KRT35: variants seen among roughly 807,000 people sequenced by gnomAD.
KRT35 encodes keratin, type I cuticular Ha5.
A neutral mutation model predicts 42.2 loss-of-function variants in KRT35; 33 were observed. That is an observed-to-expected ratio of 0.78 (90% CI 0.59 to 1.05). The LOEUF (loss-of-function observed/expected upper bound fraction) is 1.05. Among genes scored for constraint, KRT35 ranks in the 50% least tolerant of loss-of-function variants. KRT35 has a pLI of 0.00. For synonymous variants in KRT35, 218 were observed against 238.2 expected, an observed-to-expected ratio of 0.92 and a Z score of 0.78; for missense variants, 585 against 589.2, an observed-to-expected ratio of 0.99 and a Z score of 0.07.
intron 1 of KRT35, 25 bp from the exon 2 acceptor site, chr17:41,479,806 A>ATCCC: frequency 6.3e-7 from 1 of 1,588,260 alleles, no homozygotes; most frequent in Non-Finnish European, 8.6e-7. Context: ...AAGTTATTTC[A>ATCCC]TTGCAAGAAA....
At chr17:41,480,180 G>A (rs8081304) in intron 1 of KRT35, among the ~76,000 whole-genome samples, 89,200 of 152,112 alleles carry the variant, frequency 0.59, 26,757 homozygotes, top group African/African-American at 0.7. Context: ...TGGGCCAGGC[G>A]AGAAGTGGAT....
At chr17:41,480,023 C>T (rs149306009) in intron 1 of KRT35, among the ~76,000 whole-genome samples, 135 of 152,288 alleles carry the variant, frequency 8.9e-4, no homozygotes, top group African/African-American at 3.2e-3. Context: ...GAAAATGCAA[C>T]AGGAAAGGCC....
rs200383597 is a variant in KRT35, at chr17:41,477,759, T to C, written c.1000-21A>G. The C allele has an allele frequency of 9.8e-5, 158 of 1,606,582 alleles. No homozygotes were observed. In the African/African-American group the frequency reaches 1.9e-3, roughly 19 times the overall value. On this transcript the variant is annotated intron_variant, in intron 5 of 6. Coordinates refer to ENST00000246639, the MANE Select transcript of KRT35 (RefSeq NM_002280.6). The stretch of plus-strand genomic sequence containing the variant: ...TCTCTCTGTGAGGGCAAGAGTTGTG[T>C]AGGGAGGAAAAAGGCTAGAGGTCAG...
Position 41,479,798 on chromosome 17 carries a change from G to C in KRT35, c.472-17C>G, listed in dbSNP as rs780027345. On this transcript the variant is annotated splice_polypyrimidine_tract_variant and intron_variant, in intron 1 of 6. Transcript: ENST00000246639. ...GCATAGAGTCTGGAGATATGAAGAA[G>C]TTATTTCATTGCAAGAAAGGACATT... 35 of 1,598,644 alleles carry C rather than the reference G, an allele frequency of 2.2e-5. No individual in the cohort carries two copies. In the Admixed American group the frequency reaches 5.7e-4, roughly 26 times the overall value.
At chr17:41,479,540 C>A in intron 2 of KRT35, 37 bp from the exon 3 acceptor site, 1 of 1,604,174 alleles carries the variant, frequency 6.2e-7, no homozygotes, top group Non-Finnish European at 8.5e-7. Flanking sequence ...GTCTGCATTT[C>A]CTTTTTGCAT....
chr17:41,478,675 T>C (rs2019213542), intron 4 of KRT35, among the ~76,000 whole-genome samples, 159 bp downstream of exon 4: 1 of 148,522 alleles, frequency 6.7e-6, no homozygotes. Context: ...GTTTTGACCT[T>C]GTCAGCAAGG....
intron 1 of KRT35, 48 bp downstream of exon 1, chr17:41,480,579 T>C (rs776512852): frequency 1.4e-6 from 2 of 1,428,380 alleles, no homozygotes; most frequent in East Asian, 4.6e-5. Context: ...CAATGAATGC[T>C]GGTGACACAA....
chr17:41,478,319 C>T (rs184267382), intron 5 of KRT35, 42 bp downstream of exon 5: 18 of 1,599,230 alleles, frequency 1.1e-5, no homozygotes, highest in East Asian at 6.7e-5. Flanking sequence ...GTGTGCTCCT[C>T]GGCTTGGTCC....
At position 41,477,846 on chromosome 17, in the gene KRT35, G is replaced by C. The variant is rs899400501; in HGVS notation, c.1000-108C>G. ...GCGGGCCTCCGTCTCTGCCAGGGTG[G>C]ATTCCAAAGCATCTCTCTGTGAGGT... On this transcript the variant is annotated intron_variant, in intron 5 of 6. Coordinates refer to ENST00000246639, the MANE Select transcript of KRT35 (RefSeq NM_002280.6). The C allele has an allele frequency of 5.7e-6, 8 of 1,393,082 alleles. No homozygotes were observed. The Admixed American group carries it at 2.0e-4, about 35-fold the overall frequency. 86.3% of individuals were successfully genotyped at this position (1,393,082 alleles called of 1,614,324 possible).
At chr17:41,479,582 T>G in intron 2 of KRT35, 79 bp from the exon 3 acceptor site, 1 of 1,576,696 alleles carries the variant, frequency 6.3e-7, no homozygotes. Flanking sequence ...ACTGTCCAGG[T>G]GCTGTGAGTC....
chr17:41,479,133 C>T, intron 3 of KRT35, 138 bp from the exon 4 acceptor site: 1 of 1,000,014 alleles, frequency 1.0e-6, no homozygotes, highest in Non-Finnish European at 1.5e-6. Flanking sequence ...TCCCCATGCC[C>T]ACCTCCTCCC....
In KRT35 at chr17:41,478,955, T is replaced by C. The variant is rs770356940; in HGVS notation, c.752A>G (p.Asn251Ser). 8.7e-6 allele frequency: 14 copies of C among 1,613,900 alleles called. 1 individual carries two copies. Among genetic ancestry groups the C allele is most frequent in the East Asian group, 2.2e-5 (1 of 44,874 alleles). ...AGGTGGGGCAGCGTCCACCTCAACA[T>C]TGAGGCGGTCACCAAGTTGGCAGCG... ...SLRCQLGDRLNVEVDAAPPVD... is the reference protein window; with the variant it reads ...SLRCQLGDRLSVEVDAAPPVD... The change falls in exon 4 of 7, where the codon AAT (asparagine) becomes AGT (serine). Residue 251 changes from asparagine to serine, a missense_variant. Transcript: ENST00000246639.
intron 6 of KRT35, 46 bp from the exon 7 acceptor site, chr17:41,477,249 G>T (rs1355310163): frequency 1.9e-6 from 3 of 1,600,974 alleles, no homozygotes; most frequent in African/African-American, 1.3e-5. Flanking sequence ...GTTGCTGTTT[G>T]CAGTAACTCA....
rs759091436 is a variant in KRT35, at chr17:41,478,838, G to C, written c.869C>G (p.Thr290Ser). Residue 290 changes from threonine to serine, a missense_variant, in exon 4 of 7, where the codon ACC becomes AGC. Coordinates refer to ENST00000246639, the MANE Select transcript of KRT35 (RefSeq NM_002280.6). ...NRRDAEDWLD[T>S]QSEELNQQVV... ...TGACTGTTTCCAGGTACCTACCTGGGTGTCCAACCAGTCTTCAGCATCCCG... is the reference window on the plus strand; with the variant it reads ...TGACTGTTTCCAGGTACCTACCTGGCTGTCCAACCAGTCTTCAGCATCCCG... The C allele has an allele frequency of 2.5e-6, 4 of 1,612,654 alleles. No homozygotes were observed. The Admixed American group carries it at 6.7e-5, about 27-fold the overall frequency.
intron 5 of KRT35, 132 bp from the exon 6 acceptor site, chr17:41,477,870 G>C (rs2019199934): frequency 7.7e-7 from 1 of 1,290,584 alleles, no homozygotes; most frequent in Non-Finnish European, 1.0e-6. Flanking sequence ...TCTCTGTGAG[G>C]TCAAGAGTTG....
rs780571518 is a variant in KRT35 at position 41,477,573 on chromosome 17, G to A, written c.1165C>T (p.Arg389Trp). The change falls in exon 6 of 7, where the codon CGG (arginine) becomes TGG (tryptophan). Residue 389 changes from arginine (R) to tryptophan (W), a missense_variant. Coordinates refer to ENST00000246639, the MANE Select transcript of KRT35 (RefSeq NM_002280.6). ...TACGTGTTGATCTCACACTCCAGCC[G>A]GGCCCGGACGTCCAGCAGCACCTGG... ...EYQVLLDVRA[R>W]LECEINTYRG... 5.2e-5 allele frequency: 84 copies of A among 1,613,398 alleles called. No homozygotes were observed. Among genetic ancestry groups the A allele is most frequent in the Admixed American group, 1.0e-4 (6 of 59,984 alleles).
At chr17:41,478,706 T>C (rs1198775759) in intron 4 of KRT35, 128 bp downstream of exon 4, 3 of 1,165,824 alleles carry the variant, frequency 2.6e-6, no homozygotes, top group South Asian at 1.5e-5. Flanking sequence ...TGGGTCTGTT[T>C]TGACCTTGTC....
At chr17:41,479,842 T>G (rs2019230601) in intron 1 of KRT35, 61 bp from the exon 2 acceptor site, 3 of 1,402,016 alleles carry the variant, frequency 2.1e-6, no homozygotes, top group Non-Finnish European at 3.0e-6. Context: ...TGGAGCTCCC[T>G]AAAGCTGACA....
At chr17:41,478,323 T>A in intron 5 of KRT35, 38 bp downstream of exon 5, 1 of 1,603,342 alleles carries the variant, frequency 6.2e-7, no homozygotes. Flanking sequence ...GCTCCTCGGC[T>A]TGGTCCAGAG....
Sources: gnomAD v4.1 joint callset for allele counts (sites outside exome capture counted in the v4.1 genomes callset) on GRCh38, gnomAD v4.1.1 for gene constraint, MANE v1.5 for transcripts, NCBI Gene and HGNC (gene_info 2026-07-23, HGNC 2026-07-21) for gene names.